Variants in SCN2A observed in about 807,000 individuals in gnomAD.
SCN2A encodes sodium voltage-gated channel alpha subunit 2, also known as sodium channel protein type 2 subunit alpha.
SCN2A carries 20 observed loss-of-function variants against 188.7 expected under a neutral mutation model. The observed-to-expected ratio is 0.11, with a 90% CI of 0.07 to 0.15. The LOEUF (loss-of-function observed/expected upper bound fraction) is 0.15, where lower values mean the gene tolerates loss of function less well. SCN2A is among the 10% of genes least tolerant of loss of function. SCN2A has a pLI of 1.00. For missense variants in SCN2A, 1,278 were observed against 2,445.0 expected (o/e 0.52, Z 10.07); for synonymous variants, 804 against 833.1 (o/e 0.97, Z 0.60).
intron 1 of SCN2A, among the ~76,000 whole-genome samples, chr2:165,278,346 G>A (rs1450128856): frequency 7.2e-5 from 11 of 152,146 alleles, no homozygotes; most frequent in Admixed American, 2.6e-4. Flanking sequence ...CTGGGGAGGC[G>A]TCAGGAAACT....
At chr2:165,244,318 C>T (rs547518034) in intron 1 of SCN2A, among the ~76,000 whole-genome samples, 1 of 152,000 alleles carries the variant, frequency 6.6e-6, no homozygotes, top group Non-Finnish European at 1.5e-5. Context: ...AACACTCATA[C>T]GTTAGTGTTA....
At chr2:165,342,664 TCTA>T (rs1263445868) in intron 15 of SCN2A, among the ~76,000 whole-genome samples, 195 bp downstream of exon 15, 1 of 152,222 alleles carries the variant, frequency 6.6e-6, no homozygotes. Context: ...AAATGAATAG[TCTA>T]CACTTCTCTT....
At chr2:165,268,412 A>T (rs1459697905) in intron 1 of SCN2A, 1 of 152,090 alleles carries the variant, frequency 6.6e-6, no homozygotes, top group African/African-American at 2.4e-5. Flanking sequence ...GATACATCAC[A>T]TAAACAATTA....
chr2:165,314,215 G>A, intron 10 of SCN2A, 107 bp downstream of exon 10: 1 of 1,123,736 alleles, frequency 8.9e-7, no homozygotes, highest in Admixed American at 2.1e-5. Context: ...GGTCATATGT[G>A]TTTGGTAAGT....
intron 1 of SCN2A, among the ~76,000 whole-genome samples, chr2:165,278,952 A>G (rs1695467591): frequency 6.6e-6 from 1 of 152,102 alleles, no homozygotes; most frequent in Non-Finnish European, 1.5e-5. Flanking sequence ...AGAAAAGAAA[A>G]AGAAAGAAGT....
intron 1 of SCN2A, among the ~76,000 whole-genome samples, chr2:165,258,002 G>T (rs1439263437): frequency 1.3e-5 from 2 of 151,838 alleles, no homozygotes; most frequent in Admixed American, 6.6e-5. Flanking sequence ...TGTTGTTGTT[G>T]TTGTTTTTGT....
chr2:165,370,081 G>C, intron 19 of SCN2A, 45 bp from the exon 20 acceptor site: 5 of 1,532,254 alleles, frequency 3.3e-6, no homozygotes, highest in Middle Eastern at 1.8e-4. Flanking sequence ...ATCAATTAGA[G>C]ACTGTTTCTG....
intron 17 of SCN2A, among the ~76,000 whole-genome samples, chr2:165,361,313 G>C (rs1700450001): frequency 6.6e-6 from 1 of 151,826 alleles, no homozygotes; most frequent in Admixed American, 6.6e-5. Flanking sequence ...TAATACTAAA[G>C]TTCATGGTTT....
intron 1 of SCN2A, chr2:165,267,400 C>G (rs1421502491): frequency 6.6e-6 from 1 of 151,916 alleles, no homozygotes; most frequent in Non-Finnish European, 1.5e-5. Context: ...GGGAAACGAA[C>G]AGTCTCTTCA....
At chr2:165,347,783 ATGT>A (rs1251143384) in intron 16 of SCN2A, among the ~76,000 whole-genome samples, 1 of 152,192 alleles carries the variant, frequency 6.6e-6, no homozygotes, top group African/African-American at 2.4e-5. Flanking sequence ...AGTTTACAAA[ATGT>A]AAACCTTGCT....
chr2:165,283,721 T>A (rs1255704875), intron 1 of SCN2A, among the ~76,000 whole-genome samples: 1 of 152,164 alleles, frequency 6.6e-6, no homozygotes, highest in Non-Finnish European at 1.5e-5. Flanking sequence ...ATATCATATT[T>A]CCCTTCTTAA....
chr2:165,331,249 T>A (rs569414262), intron 13 of SCN2A, 81 bp from the exon 14 acceptor site: 112 of 1,131,910 alleles, frequency 9.9e-5, no homozygotes, highest in Non-Finnish European at 1.3e-4. Context: ...TTAGATTTTT[T>A]AAATTCCTTT....
intron 1 of SCN2A, among the ~76,000 whole-genome samples, chr2:165,261,300 C>T (rs1338621443): frequency 6.6e-6 from 1 of 152,198 alleles, no homozygotes; most frequent in Non-Finnish European, 1.5e-5. Flanking sequence ...ACTAGATTAT[C>T]TCTAAAGTGT....
At chr2:165,245,899 G>A (rs1693823146) in intron 1 of SCN2A, among the ~76,000 whole-genome samples, 1 of 152,094 alleles carries the variant, frequency 6.6e-6, no homozygotes, top group Non-Finnish European at 1.5e-5. Context: ...TTAGACAAAG[G>A]GCATTCAGCT....
chr2:165,265,138 TA>T (rs1018454279), intron 1 of SCN2A, among the ~76,000 whole-genome samples: 18 of 152,172 alleles, frequency 1.2e-4, no homozygotes, highest in African/African-American at 4.3e-4. Context: ...CAGTATCTGT[TA>T]TTTTTTTACC....
chr2:165,307,202 A>G (rs1295756874), intron 3 of SCN2A, among the ~76,000 whole-genome samples: 1 of 152,118 alleles, frequency 6.6e-6, no homozygotes, highest in Non-Finnish European at 1.5e-5. Flanking sequence ...ATTTTAACAA[A>G]TTTGATCTTC....
chr2:165,307,213 A>G (rs1697185064), intron 3 of SCN2A, among the ~76,000 whole-genome samples: 1 of 152,170 alleles, frequency 6.6e-6, no homozygotes, highest in African/African-American at 2.4e-5. Context: ...TTTGATCTTC[A>G]TAGCAATCCT....
chr2:165,373,827 A>G (rs1387487985), intron 21 of SCN2A, among the ~76,000 whole-genome samples: 2 of 152,102 alleles, frequency 1.3e-5, no homozygotes, highest in African/African-American at 4.8e-5. Flanking sequence ...GCTCATTTAG[A>G]AGGGTGGTAC....
rs1702064744 is a variant in SCN2A, at chr2:165,389,908, G to A, written c.*84G>A. The stretch of plus-strand genomic sequence containing the variant: ...TGTTTGTGTCAACAGGACTCCCACA[G>A]GAGGTCTATGCCAAACTGACTGTTT... On this transcript the variant is annotated 3_prime_UTR_variant, in exon 27 of 27. Coordinates refer to ENST00000375437, the MANE Select transcript of SCN2A (RefSeq NM_001040142.2). The surrounding 1 kb of genome is among the most constrained non-coding windows in gnomAD (Gnocchi z 4.2). 5 of 1,531,872 alleles carry A rather than the reference G, an allele frequency of 3.3e-6. No homozygotes were observed. In the African/African-American group the frequency reaches 4.1e-5, roughly 13 times the overall value. 94.9% of individuals were successfully genotyped at this position (1,531,872 alleles called of 1,614,324 possible). A position where few individuals can be genotyped will look rare whatever the true frequency, so the allele number is the denominator to read the frequency against.
Sources: allele counts gnomAD v4.1 joint callset (sites outside exome capture counted in the v4.1 genomes callset), GRCh38; gene constraint gnomAD v4.1.1; non-coding constraint Gnocchi (gnomAD v3.1); transcripts MANE v1.5; gene names NCBI Gene and HGNC (gene_info 2026-07-23, HGNC 2026-07-21).